MCF2L2: variants seen among roughly 807,000 people sequenced by gnomAD.
MCF2L2 encodes MCF.2 cell line derived transforming sequence-like 2.
In MCF2L2, 102 loss-of-function variants were observed where a neutral mutation model predicts 150.2. The ratio of observed to expected loss-of-function variants is 0.68; its 90% CI spans 0.58 to 0.80. The LOEUF (loss-of-function observed/expected upper bound fraction) is 0.80, where lower values mean the gene tolerates loss of function less well. MCF2L2 is among the 30% of genes least tolerant of loss of function. MCF2L2 has a pLI of 0.00. For synonymous variants in MCF2L2, 465 were observed against 491.3 expected (o/e 0.95, Z 0.71); for missense variants, 1,256 against 1,372.8 (o/e 0.91, Z 1.34).
At chr3:183,343,265 G>C (rs536211289) in intron 3 of MCF2L2, among the ~76,000 whole-genome samples, 1 of 152,134 alleles carries the variant, frequency 6.6e-6, no homozygotes, top group South Asian at 2.1e-4. Flanking sequence ...CTTCCATAGA[G>C]AGCAAATACT....
At position 183,274,773 on chromosome 3, in the gene MCF2L2, CTT is replaced by C. The variant is rs1430295833; in HGVS notation, c.1862+2097_1862+2098del. 9.2e-5 allele frequency among the ~76,000 whole-genome samples: 14 copies of C among 152,280 alleles called. No individual in the cohort carries two copies. In the East Asian group the frequency reaches 1.5e-3, roughly 17 times the overall value. On this transcript the variant is annotated intron_variant, in intron 15 of 29. Transcript: ENST00000328913. ...ATAATGAGAGGAATATTCGATGTCT[CTT>C]TGAGTCAGTTTTCCTTCCGATCACT...
rs201100983 is a variant in MCF2L2 at position 183,318,020 on chromosome 3, T to C, written c.753+48A>G. On this transcript the variant is annotated intron_variant, in intron 7 of 29. Coordinates refer to ENST00000328913, the MANE Select transcript of MCF2L2 (RefSeq NM_015078.4). Reference sequence around the variant, plus strand: ...TCCAGCTCTCTCCGAGAGGCAGGCATACCTGCTGGCACAGACACTGGCCTC... The same window carrying C: ...TCCAGCTCTCTCCGAGAGGCAGGCACACCTGCTGGCACAGACACTGGCCTC... 1,202 of 1,599,666 alleles carry C rather than the reference T, an allele frequency of 7.5e-4. 2 individuals carry two copies. The highest frequency in any genetic ancestry group is 9.6e-4 in the Non-Finnish European group (1,127 of 1,172,286).
At chr3:183,380,685 A>G (rs1713472905) in intron 2 of MCF2L2, among the ~76,000 whole-genome samples, 1 of 152,234 alleles carries the variant, frequency 6.6e-6, no homozygotes, top group African/African-American at 2.4e-5. Context: ...TACAGGCATG[A>G]GCCACCACGC....
chr3:183,188,658 G>A (rs1002412479), intron 27 of MCF2L2, among the ~76,000 whole-genome samples: 2 of 152,118 alleles, frequency 1.3e-5, no homozygotes, highest in African/African-American at 2.4e-5. Context: ...TTGCCATACT[G>A]AGTCCCCTGA....
chr3:183,314,172 C>T lies in MCF2L2; in HGVS notation c.754-2400G>A, dbSNP rs897594176. ...AATTTATCATGAAGCCCAAGGTGCC[C>T]GCAATTTGATTGGAGAGAAAATAGC... On this transcript the variant is annotated intron_variant, in intron 7 of 29. Transcript: ENST00000328913. Among the ~76,000 whole-genome samples, 11 of 152,092 alleles carry T rather than the reference C, an allele frequency of 7.2e-5. 1 individual carries two copies. Among genetic ancestry groups the T allele is most frequent in the African/African-American group, 2.4e-4 (10 of 41,416 alleles).
intron 13 of MCF2L2, among the ~76,000 whole-genome samples, chr3:183,291,132 C>T (rs1728118550): frequency 6.6e-6 from 1 of 152,172 alleles, no homozygotes; most frequent in Admixed American, 6.5e-5. Flanking sequence ...TCTGTGGGAT[C>T]TCTATAAAGT....
chr3:183,279,166 C>G (rs551042149), intron 14 of MCF2L2, among the ~76,000 whole-genome samples: 20 of 152,268 alleles, frequency 1.3e-4, no homozygotes, highest in African/African-American at 4.6e-4. Flanking sequence ...AACACACACA[C>G]ACACACACAT....
chr3:183,252,739 T>G (rs983977310), intron 15 of MCF2L2, among the ~76,000 whole-genome samples: 2 of 152,242 alleles, frequency 1.3e-5, no homozygotes, highest in African/African-American at 2.4e-5. Context: ...AAAGCTTTTA[T>G]TTTACTAAAG....
intron 10 of MCF2L2, among the ~76,000 whole-genome samples, chr3:183,306,175 G>A (rs1395525221): frequency 1.3e-5 from 2 of 152,206 alleles, no homozygotes; most frequent in African/African-American, 4.8e-5. Flanking sequence ...CAAAGCCTGT[G>A]TTCTTGTCAC....
rs1295372431 is a variant in MCF2L2 at position 183,300,290 on chromosome 3, G to A, written c.1114-94C>T. ...CTGTGTGCTCCAAGCCTGGAGGGAG[G>A]CTGTGGAGATGCTAACCCAGGATGA... On this transcript the variant is annotated intron_variant, in intron 10 of 29. Transcript: ENST00000328913. 5 of 1,138,538 alleles carry A rather than the reference G, an allele frequency of 4.4e-6. No individual in the cohort carries two copies. In the South Asian group the frequency reaches 6.8e-5, roughly 16 times the overall value. 70.5% of individuals were successfully genotyped at this position (1,138,538 alleles called of 1,614,324 possible).
At chr3:183,412,793 T>C (rs1330044276) in intron 1 of MCF2L2, among the ~76,000 whole-genome samples, 1 of 152,202 alleles carries the variant, frequency 6.6e-6, no homozygotes, top group Admixed American at 6.5e-5. Context: ...CGGACATCCT[T>C]GCCTTGTTCC....
chr3:183,358,150 G>A (rs1352787104), intron 3 of MCF2L2, among the ~76,000 whole-genome samples: 1 of 152,092 alleles, frequency 6.6e-6, no homozygotes, highest in Non-Finnish European at 1.5e-5. Context: ...AATTATCTGG[G>A]CATGATGGCG....
At chr3:183,367,510 G>A (rs752047304) in intron 3 of MCF2L2, among the ~76,000 whole-genome samples, 9 of 152,200 alleles carry the variant, frequency 5.9e-5, no homozygotes, top group South Asian at 2.1e-4. Flanking sequence ...GATTACAGGC[G>A]TGAGCCACTG....
In MCF2L2 at chr3:183,179,202, A is replaced by C; in HGVS notation, c.*178T>G. On this transcript the variant is annotated 3_prime_UTR_variant, in exon 30 of 30. Coordinates refer to ENST00000328913, the MANE Select transcript of MCF2L2 (RefSeq NM_015078.4). The surrounding 1 kb of genome is among the most constrained non-coding windows in gnomAD (Gnocchi z 4.2). The stretch of plus-strand genomic sequence containing the variant: ...GCTCCGAGGTCCCCCGTGCGGAGCT[A>C]GGCGCGCACCCAGGACACCCCTCGG... 1 of 810,566 alleles carries C rather than the reference A, an allele frequency of 1.2e-6. No individual in the cohort carries two copies. Among genetic ancestry groups the C allele is most frequent in the Non-Finnish European group, 1.7e-6 (1 of 581,160 alleles). 50.2% of individuals were successfully genotyped at this position (810,566 alleles called of 1,614,324 possible).
chr3:183,339,106 C>G (rs557018536), intron 4 of MCF2L2, among the ~76,000 whole-genome samples, 187 bp from the exon 5 acceptor site: 2 of 151,976 alleles, frequency 1.3e-5, no homozygotes, highest in Non-Finnish European at 2.9e-5. Flanking sequence ...AATCCTAACC[C>G]CTCCTAAAAA....
chr3:183,266,339 T>C (rs1726120427), intron 15 of MCF2L2, among the ~76,000 whole-genome samples: 1 of 152,202 alleles, frequency 6.6e-6, no homozygotes, highest in Non-Finnish European at 1.5e-5. Context: ...CTTTGATCCC[T>C]GAGATTCCAA....
At chr3:183,360,490 C>T (rs1712067328) in intron 3 of MCF2L2, among the ~76,000 whole-genome samples, 2 of 151,796 alleles carry the variant, frequency 1.3e-5, no homozygotes, top group Admixed American at 6.6e-5. Context: ...TTGCTTGAGT[C>T]CGGGAGTTCA....
intron 10 of MCF2L2, among the ~76,000 whole-genome samples, chr3:183,307,492 G>A (rs1321743722): frequency 2.6e-5 from 4 of 152,226 alleles, no homozygotes; most frequent in Non-Finnish European, 4.4e-5. Context: ...TGACAGGTCT[G>A]CAAATCCTGC....
Position 183,231,350 on chromosome 3 carries a change from T to G in MCF2L2, c.1863-333A>C, listed in dbSNP as rs917870174. 4 of 476,730 alleles carry G rather than the reference T, an allele frequency of 8.4e-6. No individual in the cohort carries two copies. In the Admixed American group the frequency reaches 9.7e-5, roughly 12 times the overall value. The allele number at this position is 476,730 out of a possible 1,614,324, so 29.5% of individuals were successfully genotyped here. On this transcript the variant is annotated intron_variant, in intron 15 of 29. Transcript: ENST00000328913. ...TGGAGTCAGAAATACCAGGTCTGGA[T>G]CCTTAGTCAAGGAAGGTCTGCCTGA... is the stretch of plus-strand genomic sequence containing the variant.
Sources: gnomAD v4.1 joint callset for allele counts (sites outside exome capture counted in the v4.1 genomes callset) on GRCh38, gnomAD v4.1.1 for gene constraint, Gnocchi (gnomAD v3.1) non-coding constraint, MANE v1.5 for transcripts, NCBI Gene and HGNC (gene_info 2026-07-23, HGNC 2026-07-21) for gene names.